The following CDK14 variants were observed in gnomAD, a reference collection of about 807,000 sequenced individuals.
CDK14 encodes the protein cyclin dependent kinase 14, also known as cyclin-dependent kinase 14.
In CDK14, 34 loss-of-function variants were observed where a neutral mutation model predicts 60.7. That is an observed-to-expected ratio of 0.56 (90% confidence interval 0.43 to 0.75). CDK14 has a LOEUF of 0.75. Ranked by LOEUF, CDK14 falls within the 30% of genes least tolerant of loss-of-function variation. CDK14 has a pLI of 0.00. For synonymous variants in CDK14, 197 were observed against 203.7 expected, an observed-to-expected ratio of 0.97 and a Z score of 0.28; for missense variants, 482 against 564.1, an observed-to-expected ratio of 0.85 and a Z score of 1.47.
chr7:90,704,265 G>T (rs1801848335), intron 2 of CDK14, among the ~76,000 whole-genome samples: 2 of 152,150 alleles, frequency 1.3e-5, no homozygotes, highest in Admixed American at 6.5e-5. Flanking sequence ...TATAGCTCTA[G>T]CTTTGGATTT....
intron 11 of CDK14, among the ~76,000 whole-genome samples, chr7:91,059,564 A>G (rs1797711225): frequency 6.6e-6 from 1 of 152,102 alleles, no homozygotes; most frequent in South Asian, 2.1e-4. Context: ...TTCCCTCTAC[A>G]CACTGCTTTG....
At chr7:90,639,575 A>G (rs1800262778) in intron 2 of CDK14, among the ~76,000 whole-genome samples, 1 of 151,634 alleles carries the variant, frequency 6.6e-6, no homozygotes, top group Admixed American at 6.6e-5. Context: ...CTCGGGGGTC[A>G]GGGGTCAGGG....
At chr7:91,071,018 T>G (rs979877976) in intron 11 of CDK14, among the ~76,000 whole-genome samples, 7 of 152,128 alleles carry the variant, frequency 4.6e-5, no homozygotes, top group African/African-American at 1.7e-4. Flanking sequence ...AATGATTGAT[T>G]TTTACCGAAT....
chr7:90,792,166 C>G (rs1358403440), intron 5 of CDK14, among the ~76,000 whole-genome samples: 2 of 149,994 alleles, frequency 1.3e-5, no homozygotes, highest in Non-Finnish European at 3.0e-5. Flanking sequence ...TCCCAAAGTG[C>G]TGGGATTACA....
chr7:90,916,465 C>T (rs1368660744), intron 7 of CDK14, among the ~76,000 whole-genome samples: 2 of 152,132 alleles, frequency 1.3e-5, no homozygotes, highest in African/African-American at 4.8e-5. Flanking sequence ...CAAGGTATCC[C>T]CTGTAATGAA....
At chr7:90,810,189 A>G (rs1303848304) in intron 5 of CDK14, among the ~76,000 whole-genome samples, 1 of 152,196 alleles carries the variant, frequency 6.6e-6, no homozygotes, top group Non-Finnish European at 1.5e-5. Flanking sequence ...TTAGACCAAT[A>G]TCCCTCATGA....
intron 8 of CDK14, among the ~76,000 whole-genome samples, chr7:90,943,706 G>A (rs537034123): frequency 9.9e-5 from 15 of 152,270 alleles, no homozygotes; most frequent in Non-Finnish European, 1.9e-4. Context: ...CCCTAAAGGG[G>A]ATCTTGAGCT....
intron 5 of CDK14, among the ~76,000 whole-genome samples, chr7:90,802,196 A>G (rs1465653408): frequency 2.3e-4 from 35 of 152,196 alleles, no homozygotes; most frequent in Admixed American, 2.3e-3. Context: ...TTATAGATGG[A>G]ATTTTCAGTG....
At chr7:90,940,687 G>A (rs1793898086) in intron 8 of CDK14, among the ~76,000 whole-genome samples, 1 of 152,090 alleles carries the variant, frequency 6.6e-6, no homozygotes, top group Admixed American at 6.5e-5. Context: ...TTAGGAGGCT[G>A]AGGTGGGAAG....
intron 2 of CDK14, among the ~76,000 whole-genome samples, chr7:90,669,323 G>T (rs1046179545): frequency 1.1e-4 from 16 of 152,120 alleles, no homozygotes; most frequent in African/African-American, 3.6e-4. Flanking sequence ...CTGGACGTGG[G>T]ACTTGGTTTG....
intron 8 of CDK14, among the ~76,000 whole-genome samples, chr7:90,928,122 T>G (rs1463920276): frequency 6.6e-6 from 1 of 152,194 alleles, no homozygotes; most frequent in African/African-American, 2.4e-5. Flanking sequence ...GTCTAATCTT[T>G]TTTTCAAGGT....
At chr7:90,919,542 C>T (rs1793183206) in intron 8 of CDK14, among the ~76,000 whole-genome samples, 1 of 152,134 alleles carries the variant, frequency 6.6e-6, no homozygotes, top group Non-Finnish European at 1.5e-5. Context: ...TCAGAGATGA[C>T]AAATGATAAC....
chr7:90,910,804 T>C (rs561412514), intron 7 of CDK14, among the ~76,000 whole-genome samples: 2 of 152,288 alleles, frequency 1.3e-5, no homozygotes, highest in South Asian at 4.1e-4. Context: ...CAGGGGTACA[T>C]GTGCAGGATG....
intron 2 of CDK14, among the ~76,000 whole-genome samples, chr7:90,672,809 C>T (rs935034897): frequency 5.3e-5 from 8 of 151,994 alleles, no homozygotes; most frequent in Admixed American, 6.6e-5. Context: ...TGAGCCACCT[C>T]GCCTGGGTCA....
At chr7:90,827,093 T>C (rs144791938) in intron 5 of CDK14, among the ~76,000 whole-genome samples, 187 of 150,456 alleles carry the variant, frequency 1.2e-3, no homozygotes, top group African/African-American at 4.3e-3. Flanking sequence ...TGTCCCTGTC[T>C]TCCATCTACT....
chr7:90,953,964 A>T (rs1006653122), intron 8 of CDK14, among the ~76,000 whole-genome samples: 11 of 152,186 alleles, frequency 7.2e-5, no homozygotes, highest in Non-Finnish European at 1.5e-4. Context: ...TTGCAGAGGA[A>T]AGAAGGAAGA....
At chr7:91,130,916 A>G (rs1236153512) in intron 14 of CDK14, among the ~76,000 whole-genome samples, 4 of 152,092 alleles carry the variant, frequency 2.6e-5, no homozygotes, top group Admixed American at 6.6e-5. Flanking sequence ...GATAGCTCCT[A>G]TTAGACACAG....
intron 10 of CDK14, among the ~76,000 whole-genome samples, chr7:91,032,015 C>G (rs535077928): frequency 6.6e-6 from 1 of 152,292 alleles, no homozygotes; most frequent in African/African-American, 2.4e-5. Flanking sequence ...GATGAATTAA[C>G]AGTCCTATTA....
chr7:91,097,407 T>A (rs113001031), intron 12 of CDK14, among the ~76,000 whole-genome samples: 6 of 151,896 alleles, frequency 4.0e-5, no homozygotes, highest in East Asian at 3.9e-4. Flanking sequence ...ACAAAAAAAA[T>A]TTTCAGTGGT....
Sources: allele counts gnomAD v4.1 joint callset (sites outside exome capture counted in the v4.1 genomes callset), GRCh38; gene constraint gnomAD v4.1.1; transcripts MANE v1.5; gene names NCBI Gene and HGNC (gene_info 2026-07-23, HGNC 2026-07-21).